The following ADAMTS18 variants were observed in gnomAD, a reference collection of about 807,000 sequenced individuals.
ADAMTS18 encodes A disintegrin and metalloproteinase with thrombospondin motifs 18.
Under a neutral mutation model 165.9 loss-of-function variants are expected in ADAMTS18, and 157 were observed. The ratio of observed to expected loss-of-function variants is 0.95; its 90% CI spans 0.83 to 1.08. The LOEUF is 1.08. Among genes scored for constraint, ADAMTS18 ranks in the 50% least tolerant of loss-of-function variants. The pLI is 0.00. For missense variants in ADAMTS18, 2,040 were observed against 1,534.0 expected (o/e 1.33, Z -5.51); for synonymous variants, 782 against 578.2 (o/e 1.35, Z -5.06).
rs200961582 is a variant in ADAMTS18, at chr16:77,412,918, A to AACTCC, written c.495+18372_495+18376dup. 7.6e-3 allele frequency among the ~76,000 whole-genome samples: 1,150 copies of AACTCC among 152,170 alleles called. 14 individuals carry two copies. Among genetic ancestry groups the AACTCC allele is most frequent in the African/African-American group, 0.026 (1,092 of 41,508 alleles). On this transcript the variant is annotated intron_variant, in intron 3 of 22. Transcript: ENST00000282849. ...CACTATGTTGCCCAGGCTGGTCTTG[A>AACTCC]ACTCCTGGTTTCAAGCAATGCTCCC...
chr16:77,408,282 GA>G (rs1474011478), intron 3 of ADAMTS18, among the ~76,000 whole-genome samples: 1 of 152,140 alleles, frequency 6.6e-6, no homozygotes, highest in Non-Finnish European at 1.5e-5. Flanking sequence ...AACCACTTCA[GA>G]AAACTGACAT....
At chr16:77,424,842 G>A (rs189088334) in intron 3 of ADAMTS18, among the ~76,000 whole-genome samples, 34 of 152,188 alleles carry the variant, frequency 2.2e-4, no homozygotes, top group Middle Eastern at 6.8e-3. Context: ...TCAAGTGACC[G>A]AAAAGCTCCA....
chr16:77,337,908 C>CTTTCTTT lies in ADAMTS18; in HGVS notation c.1711-2005_1711-2004insAAAGAAA, dbSNP rs1555514787. 4.0e-3 allele frequency among the ~76,000 whole-genome samples: 561 copies of CTTTCTTT among 140,834 alleles called. 8 individuals are homozygous for CTTTCTTT. Among genetic ancestry groups the CTTTCTTT allele is most frequent in the African/African-American group, 0.014 (542 of 38,326 alleles). 92.4% of individuals were successfully genotyped at this position (140,834 alleles called of 152,430 possible). On this transcript the variant is annotated intron_variant, in intron 11 of 22. Coordinates refer to ENST00000282849, the MANE Select transcript of ADAMTS18 (RefSeq NM_199355.4). ...TTTTATCCATCTTTTCTTTTCTTTT[C>CTTTCTTT]TTTTTTTTTTTTTTGACAAAGTTTC...
At chr16:77,433,614 A>T (rs1422216006) in intron 2 of ADAMTS18, 1 of 152,372 alleles carries the variant, frequency 6.6e-6, no homozygotes, top group Non-Finnish European at 1.5e-5. Context: ...CCATGACTCC[A>T]TCCTGCCCCA....
intron 16 of ADAMTS18, among the ~76,000 whole-genome samples, chr16:77,307,837 T>C (rs1450100729): frequency 6.6e-6 from 1 of 152,094 alleles, no homozygotes; most frequent in Non-Finnish European, 1.5e-5. Context: ...TTGGGGAGAA[T>C]TCAGCAGGCA....
intron 22 of ADAMTS18, among the ~76,000 whole-genome samples, chr16:77,285,685 A>ACTAACAG (rs1304117810): frequency 1.3e-5 from 2 of 152,262 alleles, no homozygotes; most frequent in Admixed American, 1.3e-4. Flanking sequence ...GATTATAATT[A>ACTAACAG]CTAACAGCTG....
intron 5 of ADAMTS18, 54 bp downstream of exon 5, chr16:77,364,134 C>G: frequency 1.2e-6 from 2 of 1,604,842 alleles, no homozygotes; most frequent in South Asian, 2.2e-5. Flanking sequence ...CAAGAGAATT[C>G]CATGACATTT....
intron 4 of ADAMTS18, among the ~76,000 whole-genome samples, chr16:77,366,388 T>C (rs151021744): frequency 2.5e-3 from 386 of 152,270 alleles, no homozygotes; most frequent in Non-Finnish European, 3.6e-3. Flanking sequence ...GGAAACCCCA[T>C]CTCTACTAAA....
intron 12 of ADAMTS18, among the ~76,000 whole-genome samples, chr16:77,331,473 AAAC>A (rs2056188288): frequency 6.6e-6 from 1 of 152,072 alleles, no homozygotes; most frequent in Non-Finnish European, 1.5e-5. Context: ...GGAGATACTA[AAAC>A]AACATCATTG....
chr16:77,372,625 C>T (rs1282742621), intron 3 of ADAMTS18, among the ~76,000 whole-genome samples: 2 of 152,198 alleles, frequency 1.3e-5, no homozygotes, highest in Non-Finnish European at 2.9e-5. Context: ...AAATGGTTCA[C>T]ATTCGTGGCC....
rs144779149 is a variant in ADAMTS18 at position 77,411,720 on chromosome 16, C to A, written c.495+19575G>T. On this transcript the variant is annotated intron_variant, in intron 3 of 22. Transcript: ENST00000282849. ...TTTTTTTTTTGAGACAGAGTCTTGC[C>A]CTGTCACCTGGGCTGGAGTGCAGTG... Among the ~76,000 whole-genome samples the A allele has an allele frequency of 6.4e-3, 809 of 125,628 alleles. 8 individuals are homozygous for A. The highest frequency in any genetic ancestry group is 0.023 in the African/African-American group (761 of 32,556). The allele number at this position is 125,628 out of a possible 152,430, so 82.4% of individuals were successfully genotyped here. A position where few individuals can be genotyped will look rare whatever the true frequency, so the allele number is the denominator to read the frequency against.
chr16:77,358,060 C>T lies in ADAMTS18; in HGVS notation c.1322+1258G>A, dbSNP rs116776100. Among the ~76,000 whole-genome samples the T allele has an allele frequency of 1.6e-3, 242 of 152,302 alleles. 2 individuals are homozygous for T. The highest frequency in any genetic ancestry group is 5.6e-3 in the African/African-American group (233 of 41,560). On this transcript the variant is annotated intron_variant, in intron 8 of 22. Transcript: ENST00000282849. ...CTTAGACATACATTTGATATGCACA[C>T]ATATTTTGTTTCCTGCTTTGTATGA...
chr16:77,318,924 GCCAACAGTCAGCC>G (rs998960333), intron 16 of ADAMTS18, among the ~76,000 whole-genome samples: 1 of 152,122 alleles, frequency 6.6e-6, no homozygotes, highest in Admixed American at 6.5e-5. Flanking sequence ...GCTTGTAAGA[GCCAACAGTCAGCC>G]CCATTTTACA....
rs2144718750 is a variant in ADAMTS18 at position 77,355,932 on chromosome 16, T to C, written c.1460+8A>G. On this transcript the variant is annotated splice_region_variant and intron_variant, in intron 9 of 22. Transcript: ENST00000282849. ...CCTAGGAGCACCCCAGGATTTAACC[T>C]GTCATACCTGAGGAATTTCTTGAGA... 3.1e-6 allele frequency: 5 copies of C among 1,613,980 alleles called. No individual in the cohort carries two copies. Among genetic ancestry groups the C allele is most frequent in the Non-Finnish European group, 3.4e-6 (4 of 1,179,868 alleles).
At chr16:77,331,128 T>C (rs2056182039) in intron 12 of ADAMTS18, among the ~76,000 whole-genome samples, 1 of 152,220 alleles carries the variant, frequency 6.6e-6, no homozygotes, top group Admixed American at 6.5e-5. Flanking sequence ...TAGTGATTAA[T>C]TATTCTATTA....
At chr16:77,290,273 G>A (rs145274859) in intron 21 of ADAMTS18, among the ~76,000 whole-genome samples, 5 of 152,228 alleles carry the variant, frequency 3.3e-5, no homozygotes, top group Admixed American at 6.5e-5. Context: ...CCTCACTGCC[G>A]TTGTAGCACT....
intron 16 of ADAMTS18, among the ~76,000 whole-genome samples, chr16:77,308,387 T>A (rs926842012): frequency 6.6e-6 from 1 of 152,070 alleles, no homozygotes; most frequent in Non-Finnish European, 1.5e-5. Flanking sequence ...GACAGCTTGA[T>A]AGAGAATGTG....
intron 12 of ADAMTS18, among the ~76,000 whole-genome samples, 176 bp downstream of exon 12, chr16:77,335,580 C>G (rs532672529): frequency 6.6e-6 from 1 of 151,950 alleles, no homozygotes; most frequent in South Asian, 2.1e-4. Flanking sequence ...TTTGATCATT[C>G]CACATTGTAT....
intron 16 of ADAMTS18, among the ~76,000 whole-genome samples, chr16:77,304,455 T>C (rs1479258183): frequency 6.6e-6 from 1 of 152,210 alleles, no homozygotes; most frequent in Non-Finnish European, 1.5e-5. Context: ...AGTGAGACAC[T>C]GTCTCAAAAA....
Sources: gnomAD v4.1 joint callset for allele counts (sites outside exome capture counted in the v4.1 genomes callset) on GRCh38, gnomAD v4.1.1 for gene constraint, MANE v1.5 for transcripts, NCBI Gene and HGNC (gene_info 2026-07-23, HGNC 2026-07-21) for gene names.